The following CHD1L variants were observed in gnomAD, a reference collection of about 807,000 sequenced individuals.
CHD1L encodes the protein chromodomain helicase DNA binding protein 1 like, also known as ATP-dependent chromatin remodeler CHD1L.
In CHD1L, 118 loss-of-function variants were observed where a neutral mutation model predicts 115.9. The observed-to-expected ratio is 1.02, with a 90% CI of 0.88 to 1.19. The LOEUF (loss-of-function observed/expected upper bound fraction) is 1.19. Ranked by LOEUF, CHD1L falls within the 50% of genes most tolerant of loss-of-function variation. CHD1L has a pLI of 0.00. For synonymous variants in CHD1L, 411 were observed against 387.1 expected (o/e 1.06, Z -0.72); for missense variants, 1,179 against 1,065.3 (o/e 1.11, Z -1.49).
chr1:147,178,594 G>A, the CHD1L span: 11 of 1,603,672 alleles, frequency 6.9e-6, no homozygotes, highest in East Asian at 1.3e-4. Flanking sequence ...AGGTTTTTTC[G>A]ATGATTCATT....
At position 147,242,777 on chromosome 1, in the gene CHD1L, G is replaced by C. The variant is rs11588753; in HGVS notation, c.74G>C (p.Arg25Pro). The C allele has an allele frequency of 0.091, 116,025 of 1,269,940 alleles. 5,842 individuals carry two copies. The highest frequency in any genetic ancestry group is 0.2 in the East Asian group (6,839 of 33,500). The allele number at this position is 1,269,940 out of a possible 1,614,324, so 78.7% of individuals were successfully genotyped here. The stretch of plus-strand genomic sequence containing the variant: ...TTACTGCGGCTTCATACTGAGGGCC[G>C]AGCCGAGGCGGCGCGGGTGCAGGAG... ...GFLLRLHTEG[R>P]AEAARVQEQD... is the part of the protein sequence containing the mutation. The change falls in exon 1 of 23, where the codon CGA (arginine) becomes CCA (proline). Residue 25 changes from arginine to proline, a missense_variant. Coordinates refer to ENST00000369258, the MANE Select transcript of CHD1L (RefSeq NM_004284.6).
chr1:147,204,433 G>T, the CHD1L span: 1 of 1,206,820 alleles, frequency 8.3e-7, no homozygotes, highest in African/African-American at 1.5e-5. Flanking sequence ...ACACATTACA[G>T]AGGTACGAAG....
At chr1:147,258,944 A>C (rs995308859) in intron 5 of CHD1L, 2 of 152,338 alleles carry the variant, frequency 1.3e-5, no homozygotes, top group East Asian at 3.9e-4. Context: ...AAGAGGATAC[A>C]TGATATTTAT....
chr1:147,273,681 T>C (rs1677163404), intron 12 of CHD1L, among the ~76,000 whole-genome samples: 1 of 152,226 alleles, frequency 6.6e-6, no homozygotes. Flanking sequence ...AGCAGCATTA[T>C]GTTTGAAATG....
the CHD1L span, among the ~76,000 whole-genome samples, chr1:147,192,086 A>G: frequency 0.05 from 7,532 of 152,146 alleles, 208 homozygotes; most frequent in African/African-American, 0.071. Context: ...CATTTAATCT[A>G]TAAATTACCT....
chr1:147,188,574 A>C, the CHD1L span, among the ~76,000 whole-genome samples: 2 of 151,570 alleles, frequency 1.3e-5, no homozygotes, highest in Non-Finnish European at 2.9e-5. Flanking sequence ...GGTTTCACAA[A>C]AGAGGTTCAC....
chr1:147,202,312 C>T, the CHD1L span, among the ~76,000 whole-genome samples: 6,755 of 77,310 alleles, frequency 0.087, 359 homozygotes, highest in African/African-American at 0.1. Context: ...AAAAGCAGTT[C>T]TTTTTTTTTT....
intron 19 of CHD1L, among the ~76,000 whole-genome samples, chr1:147,289,443 T>C (rs1344143530): frequency 6.6e-6 from 1 of 152,062 alleles, no homozygotes. Context: ...TGAGGATGAA[T>C]TGGGAAAAGG....
the CHD1L span, chr1:147,187,053 C>G: frequency 8.6e-5 from 139 of 1,613,966 alleles, no homozygotes; most frequent in Non-Finnish European, 1.2e-4. Flanking sequence ...CTTTTCGAGC[C>G]CCATCCCACT....
At chr1:147,179,571 C>A in the CHD1L span, 4 of 1,586,878 alleles carry the variant, frequency 2.5e-6, no homozygotes, top group South Asian at 2.2e-5. Flanking sequence ...AGCTACAAAC[C>A]CCCCTGTAAT....
the CHD1L span, among the ~76,000 whole-genome samples, chr1:147,199,962 G>A: frequency 6.6e-6 from 1 of 152,078 alleles, no homozygotes; most frequent in African/African-American, 2.4e-5. Flanking sequence ...AACAACCATA[G>A]AATCAGTGAA....
At chr1:147,236,674 C>A in the CHD1L span, among the ~76,000 whole-genome samples, 2 of 152,068 alleles carry the variant, frequency 1.3e-5, no homozygotes, top group African/African-American at 4.8e-5. Flanking sequence ...CAGCTCCTCT[C>A]CACAGCTGGC....
intron 1 of CHD1L, among the ~76,000 whole-genome samples, chr1:147,243,866 A>G (rs1665734978): frequency 6.6e-6 from 1 of 152,234 alleles, no homozygotes; most frequent in Non-Finnish European, 1.5e-5. Flanking sequence ...CAGTACCACG[A>G]AAGAGTAAGG....
intron 20 of CHD1L, among the ~76,000 whole-genome samples, chr1:147,293,000 A>C (rs1045610564): frequency 9.9e-5 from 15 of 151,722 alleles, no homozygotes; most frequent in African/African-American, 3.4e-4. Flanking sequence ...AAAAAGGAGA[A>C]AAGTAAAGTG....
chr1:147,232,630 C>G, the CHD1L span, among the ~76,000 whole-genome samples: 1 of 150,222 alleles, frequency 6.7e-6, no homozygotes, highest in African/African-American at 2.4e-5. Context: ...TGCCGAGTGC[C>G]TGCGATTGCA....
chr1:147,198,759 T>G, the CHD1L span, among the ~76,000 whole-genome samples: 11 of 141,326 alleles, frequency 7.8e-5, no homozygotes, highest in African/African-American at 5.3e-5. Context: ...GCTGAGGCAG[T>G]AGAATGGCCT....
the CHD1L span, among the ~76,000 whole-genome samples, chr1:147,218,471 C>T: frequency 3.3e-5 from 5 of 151,968 alleles, no homozygotes; most frequent in Non-Finnish European, 5.9e-5. Context: ...CTCCTGACCT[C>T]GTGATCCGCC....
intron 6 of CHD1L, chr1:147,260,588 T>C (rs1470212093): frequency 2.0e-5 from 3 of 152,244 alleles, no homozygotes; most frequent in Non-Finnish European, 4.4e-5. Context: ...ACAATTTCTC[T>C]TAAAAAATCT....
the CHD1L span, among the ~76,000 whole-genome samples, chr1:147,185,414 T>A: frequency 6.6e-6 from 1 of 152,152 alleles, no homozygotes; most frequent in Non-Finnish European, 1.5e-5. Flanking sequence ...TTAAAAATAC[T>A]AGGTCCATTT....
Sources: allele counts gnomAD v4.1 joint callset (sites outside exome capture counted in the v4.1 genomes callset), GRCh38; gene constraint gnomAD v4.1.1; transcripts MANE v1.5; gene names NCBI Gene and HGNC (gene_info 2026-07-23, HGNC 2026-07-21).